Variants in ADGRB3 observed in about 807,000 individuals in gnomAD.
ADGRB3 encodes the protein brain-specific angiogenesis inhibitor 3.
A neutral mutation model predicts 193.4 loss-of-function variants in ADGRB3; 37 were observed. The ratio of observed to expected loss-of-function variants is 0.19; its 90% CI spans 0.15 to 0.25. ADGRB3 has a LOEUF of 0.25. Ranked by LOEUF, ADGRB3 falls within the 10% of genes least tolerant of loss-of-function variation. The pLI, the probability that ADGRB3 is intolerant of heterozygous loss-of-function variation, is 1.00. For missense variants in ADGRB3, 1,637 were observed against 1,852.9 expected (o/e 0.88, Z 2.14); for synonymous variants, 690 against 644.2 (o/e 1.07, Z -1.08).
Position 69,324,858 on chromosome 6 carries a change from G to A in ADGRB3, c.2815-14G>A, listed in dbSNP as rs1301043832. 4 of 1,611,256 alleles carry A rather than the reference G, an allele frequency of 2.5e-6. No homozygotes were observed. In the South Asian group the frequency reaches 4.4e-5, roughly 18 times the overall value. ...AGGTTCAGTGTGAGTCTTTTTGTTTGTTTGTTTCCACAGAGTATCTGCACA... is the reference window on the plus strand; with the variant it reads ...AGGTTCAGTGTGAGTCTTTTTGTTTATTTGTTTCCACAGAGTATCTGCACA... On this transcript the variant is annotated splice_polypyrimidine_tract_variant and intron_variant, in intron 20 of 31. Transcript: ENST00000370598.
chr6:68,718,361 G>T (rs748352125), intron 3 of ADGRB3, among the ~76,000 whole-genome samples: 11 of 151,600 alleles, frequency 7.3e-5, no homozygotes, highest in Non-Finnish European at 1.5e-4. Flanking sequence ...GCTAAGCCAT[G>T]GACCACTTAG....
At chr6:68,926,231 C>A (rs1767176852) in intron 3 of ADGRB3, among the ~76,000 whole-genome samples, 1 of 152,064 alleles carries the variant, frequency 6.6e-6, no homozygotes, top group Non-Finnish European at 1.5e-5. Flanking sequence ...ATAAGTAAAA[C>A]TTCCTTTTCC....
At chr6:69,153,602 T>C (rs1479391914) in intron 17 of ADGRB3, among the ~76,000 whole-genome samples, 2 of 152,092 alleles carry the variant, frequency 1.3e-5, no homozygotes, top group African/African-American at 2.4e-5. Flanking sequence ...ATTATGGCCA[T>C]AAACAAATGT....
chr6:68,637,900 G>A (rs1767994089), intron 2 of ADGRB3, among the ~76,000 whole-genome samples: 1 of 151,796 alleles, frequency 6.6e-6, no homozygotes, highest in Non-Finnish European at 1.5e-5. Context: ...TGAAATGACT[G>A]CCCTAAATCC....
intron 17 of ADGRB3, among the ~76,000 whole-genome samples, chr6:69,228,338 A>C (rs975906043): frequency 6.6e-6 from 1 of 152,236 alleles, no homozygotes; most frequent in Non-Finnish European, 1.5e-5. Context: ...AGGGATTCAA[A>C]GTCGACATAA....
At chr6:69,051,955 C>T (rs572219126) in intron 15 of ADGRB3, among the ~76,000 whole-genome samples, 2 of 152,186 alleles carry the variant, frequency 1.3e-5, no homozygotes, top group East Asian at 3.9e-4. Flanking sequence ...AGTGCAGTGG[C>T]GCGATCTCCG....
At chr6:68,801,001 CATAAA>C (rs145199306) in intron 3 of ADGRB3, among the ~76,000 whole-genome samples, 310 of 152,194 alleles carry the variant, frequency 2.0e-3, no homozygotes, top group African/African-American at 7.2e-3. Context: ...TATTCTAAGA[CATAAA>C]AGAAAGAGAT....
chr6:68,911,054 A>G (rs1488291174), intron 3 of ADGRB3, among the ~76,000 whole-genome samples: 1 of 151,904 alleles, frequency 6.6e-6, no homozygotes, highest in Non-Finnish European at 1.5e-5. Flanking sequence ...AATGTTCTTC[A>G]TGTGGCACAT....
chr6:68,931,331 G>A (rs1208681833), intron 4 of ADGRB3, among the ~76,000 whole-genome samples: 2 of 151,798 alleles, frequency 1.3e-5, no homozygotes, highest in East Asian at 1.9e-4. Context: ...GTAAATATTT[G>A]GAGTATGTAT....
chr6:68,825,614 A>G (rs189539828), intron 3 of ADGRB3, among the ~76,000 whole-genome samples: 125 of 152,158 alleles, frequency 8.2e-4, no homozygotes, highest in African/African-American at 2.9e-3. Flanking sequence ...CATAATCCCT[A>G]TGTGTCAAGG....
At chr6:69,343,815 A>G (rs1474408756) in intron 26 of ADGRB3, among the ~76,000 whole-genome samples, 1 of 152,190 alleles carries the variant, frequency 6.6e-6, no homozygotes, top group Non-Finnish European at 1.5e-5. Flanking sequence ...AGAAGCTAAT[A>G]TGTTTAACAG....
chr6:68,713,301 TTG>T (rs1438470144), intron 3 of ADGRB3, among the ~76,000 whole-genome samples: 1 of 151,902 alleles, frequency 6.6e-6, no homozygotes, highest in African/African-American at 2.4e-5. Flanking sequence ...CATCTGCCAT[TTG>T]TTTACTTGCT....
At chr6:68,839,566 T>C (rs1195411885) in intron 3 of ADGRB3, among the ~76,000 whole-genome samples, 1 of 152,162 alleles carries the variant, frequency 6.6e-6, no homozygotes, top group Non-Finnish European at 1.5e-5. Context: ...CTATTGGCCA[T>C]GTGGACTCTG....
At chr6:69,043,291 A>AGAGAAAGAAAGAAAGAAAGAAAGAAC (rs1183392054) in intron 13 of ADGRB3, among the ~76,000 whole-genome samples, 1 of 33,780 alleles carries the variant, frequency 3.0e-5, no homozygotes, top group Non-Finnish European at 6.4e-5. Flanking sequence ...GAAGAAAGAG[A>AGAGAAAGAAAGAAAGAAAGAAAGAAC]GAAAGAAAGA....
At position 69,248,944 on chromosome 6, in the gene ADGRB3, G is replaced by A. The variant is rs185906939; in HGVS notation, c.2814+9718G>A. ...TTTTTGAAAAGGCTTCTGCCAAGAT[G>A]AAAAGGAGTGCAAAACACTTTGAAT... On this transcript the variant is annotated intron_variant, in intron 20 of 31. Coordinates refer to ENST00000370598, the MANE Select transcript of ADGRB3 (RefSeq NM_001704.3). 1.3e-3 allele frequency among the ~76,000 whole-genome samples: 205 copies of A among 152,302 alleles called. 2 individuals carry two copies. Among genetic ancestry groups the A allele is most frequent in the Non-Finnish European group, 1.1e-3 (75 of 68,018 alleles).
In ADGRB3 at chr6:69,332,993, T is replaced by C; in HGVS notation, c.3173T>C (p.Leu1058Pro). 1 of 1,613,808 alleles carries C rather than the reference T, an allele frequency of 6.2e-7. No homozygotes were observed. The highest frequency in any genetic ancestry group is 1.1e-5 in the South Asian group (1 of 91,034). Residue 1058 changes from leucine to proline, a missense_variant, in exon 24 of 32, where the codon CTC becomes CCC. This residue lies in a region of ADGRB3 where 56 missense variants were observed against 53.3 expected (regional missense o/e 1.05). Transcript: ENST00000370598. ...AGAGATGGAATCCTAGATAAAAAGC[T>C]CAAACACAGAGCCGGGTAAGCTGCA... is the stretch of plus-strand genomic sequence containing the variant. ...VSRDGILDKK[L>P]KHRAGQMSEP...
intron 3 of ADGRB3, among the ~76,000 whole-genome samples, chr6:68,777,730 G>A (rs1246686335): frequency 6.6e-6 from 1 of 151,040 alleles, no homozygotes; most frequent in African/African-American, 2.4e-5. Context: ...TATATCTGTG[G>A]AAAATATTTT....
chr6:69,028,696 C>T (rs538328506), intron 13 of ADGRB3, among the ~76,000 whole-genome samples: 6 of 152,190 alleles, frequency 3.9e-5, no homozygotes, highest in South Asian at 2.1e-4. Flanking sequence ...AACTTGAAAA[C>T]GTTGTCAATA....
At chr6:68,709,358 T>C (rs921901098) in intron 3 of ADGRB3, among the ~76,000 whole-genome samples, 5 of 152,292 alleles carry the variant, frequency 3.3e-5, no homozygotes, top group Middle Eastern at 3.4e-3. Context: ...TATCACACTA[T>C]TTTAAATTAA....
Sources: gnomAD v4.1 joint callset for allele counts (sites outside exome capture counted in the v4.1 genomes callset) on GRCh38, gnomAD v4.1.1 for gene constraint, gnomAD v4.1.1 regional missense constraint, MANE v1.5 for transcripts, NCBI Gene and HGNC (gene_info 2026-07-23, HGNC 2026-07-21) for gene names.